Variants in PSMD14 observed in about 807,000 individuals in gnomAD.
PSMD14 encodes the protein proteasome 26S subunit, non-ATPase 14.
Under a neutral mutation model 41.2 loss-of-function variants are expected in PSMD14, and 7 were observed. That is an observed-to-expected ratio of 0.17 (90% CI 0.10 to 0.32). The LOEUF is 0.32. Among genes scored for constraint, PSMD14 ranks in the 10% least tolerant of loss-of-function variants. The probability of loss-of-function intolerance (pLI) is 1.00; values close to 1 mark genes in which losing one functional copy is unlikely to be tolerated. For missense variants in PSMD14, 139 were observed against 375.6 expected (o/e 0.37, Z 5.21); for synonymous variants, 114 against 122.3 (o/e 0.93, Z 0.45).
intron 3 of PSMD14, among the ~76,000 whole-genome samples, chr2:161,331,349 G>A (rs531069167): frequency 1.3e-5 from 2 of 151,226 alleles, no homozygotes; most frequent in African/African-American, 4.9e-5. Flanking sequence ...TGCAACCTCC[G>A]CCTCCCAGGT....
intron 7 of PSMD14, chr2:161,382,878 T>A (rs551153718): frequency 1.4e-3 from 210 of 151,818 alleles, no homozygotes; most frequent in African/African-American, 4.7e-3. Context: ...TACCAACCCA[T>A]ACATTAATTA....
intron 7 of PSMD14, among the ~76,000 whole-genome samples, chr2:161,375,552 C>T (rs994220424): frequency 5.3e-5 from 8 of 152,016 alleles, no homozygotes; most frequent in Non-Finnish European, 8.8e-5. Flanking sequence ...AAAAGAAGAG[C>T]TTGTACCTCA....
At chr2:161,333,992 C>G (rs951140198) in intron 3 of PSMD14, among the ~76,000 whole-genome samples, 2 of 150,956 alleles carry the variant, frequency 1.3e-5, no homozygotes, top group Non-Finnish European at 3.0e-5. Flanking sequence ...GATGGCGCCA[C>G]TGCACTCCAG....
At chr2:161,365,550 G>A (rs1223562149) in intron 3 of PSMD14, among the ~76,000 whole-genome samples, 1 of 152,078 alleles carries the variant, frequency 6.6e-6, no homozygotes, top group Non-Finnish European at 1.5e-5. Context: ...TTTCAGGCAA[G>A]TTGAGAAAGG....
chr2:161,398,369 A>G (rs1257417430), intron 10 of PSMD14, among the ~76,000 whole-genome samples: 2 of 152,140 alleles, frequency 1.3e-5, no homozygotes, highest in Non-Finnish European at 2.9e-5. Context: ...AGAAGGTTAG[A>G]GAATAATTAA....
chr2:161,333,318 A>G (rs1682821823), intron 3 of PSMD14, among the ~76,000 whole-genome samples: 1 of 152,164 alleles, frequency 6.6e-6, no homozygotes, highest in Admixed American at 6.5e-5. Context: ...CCTTGGTAGG[A>G]CTGTACTGTG....
intron 3 of PSMD14, among the ~76,000 whole-genome samples, chr2:161,341,693 G>C (rs923112539): frequency 5.3e-5 from 8 of 151,464 alleles, no homozygotes; most frequent in Non-Finnish European, 8.8e-5. Context: ...CAAAAAATGA[G>C]CCGGGCGTGG....
intron 3 of PSMD14, among the ~76,000 whole-genome samples, chr2:161,333,520 A>C (rs1401507758): frequency 6.6e-6 from 1 of 152,256 alleles, no homozygotes; most frequent in Admixed American, 6.5e-5. Flanking sequence ...GTAAAAACCC[A>C]GGGCTCTGGA....
In PSMD14 at chr2:161,341,201, C is replaced by T. The variant is rs1053453185; in HGVS notation, c.48+22328C>T. On this transcript the variant is annotated intron_variant, in intron 3 of 11. Coordinates refer to ENST00000409682, the MANE Select transcript of PSMD14 (RefSeq NM_005805.6). ...TGGCCTCGGCCGGGGGCGCGGGTTC[C>T]GGGGGCGCGCGGGCAGGCTCCGGGC... 1.4e-4 allele frequency: 132 copies of T among 961,808 alleles called. No individual in the cohort carries two copies. In the African/African-American group the frequency reaches 2.1e-3, roughly 15 times the overall value. The allele number at this position is 961,808 out of a possible 1,614,324, so 59.6% of individuals were successfully genotyped here.
intron 3 of PSMD14, among the ~76,000 whole-genome samples, chr2:161,324,768 A>G (rs1682669129): frequency 6.6e-6 from 1 of 152,086 alleles, no homozygotes; most frequent in South Asian, 2.1e-4. Flanking sequence ...TTAAAGGCAA[A>G]GTCATCAATT....
At chr2:161,391,695 G>T (rs1683714042) in intron 9 of PSMD14, among the ~76,000 whole-genome samples, 2 of 152,050 alleles carry the variant, frequency 1.3e-5, no homozygotes, top group African/African-American at 4.8e-5. Flanking sequence ...AGGCCCAAGG[G>T]ATCCTCACTC....
chr2:161,335,534 C>G (rs974773216), intron 3 of PSMD14, among the ~76,000 whole-genome samples: 1 of 152,232 alleles, frequency 6.6e-6, no homozygotes, highest in Non-Finnish European at 1.5e-5. Context: ...CATCCCATAT[C>G]CATAGATATA....
chr2:161,395,931 C>T (rs1212045814), intron 10 of PSMD14, among the ~76,000 whole-genome samples: 1 of 152,326 alleles, frequency 6.6e-6, no homozygotes, highest in Non-Finnish European at 1.5e-5. Flanking sequence ...ACACCAGCTA[C>T]ATTAGCATCA....
At chr2:161,368,047 G>A in intron 5 of PSMD14, 144 bp downstream of exon 5, 1 of 1,021,180 alleles carries the variant, frequency 9.8e-7, no homozygotes, top group Non-Finnish European at 1.4e-6. Flanking sequence ...TTTTTAGATT[G>A]TATTGAATTA....
intron 10 of PSMD14, among the ~76,000 whole-genome samples, chr2:161,398,079 T>A (rs1683825746): frequency 6.6e-6 from 1 of 152,154 alleles, no homozygotes; most frequent in Non-Finnish European, 1.5e-5. Context: ...CTACAGAAGT[T>A]TTTCCTATTT....
intron 6 of PSMD14, 46 bp downstream of exon 6, chr2:161,370,223 A>G (rs1373362073): frequency 6.0e-6 from 8 of 1,325,656 alleles, no homozygotes; most frequent in African/African-American, 6.0e-5. Context: ...GGAAATATTT[A>G]TAGAAACATA....
chr2:161,309,438 G>C (rs577700525), intron 1 of PSMD14, among the ~76,000 whole-genome samples: 94 of 152,340 alleles, frequency 6.2e-4, no homozygotes, highest in Admixed American at 2.7e-3. Context: ...GTTATAGTGT[G>C]AAAGTGATTT....
intron 7 of PSMD14, among the ~76,000 whole-genome samples, chr2:161,376,350 A>G (rs868833548): frequency 3.3e-5 from 5 of 151,782 alleles, no homozygotes; most frequent in African/African-American, 1.2e-4. Context: ...TAGAGTACAC[A>G]TGTCATATTA....
intron 3 of PSMD14, among the ~76,000 whole-genome samples, chr2:161,352,504 G>T (rs986494280): frequency 1.3e-5 from 2 of 152,098 alleles, no homozygotes; most frequent in Non-Finnish European, 2.9e-5. Flanking sequence ...TTACAATCAA[G>T]TATTGATTTT....
Sources: gnomAD v4.1 joint callset for allele counts (sites outside exome capture counted in the v4.1 genomes callset) on GRCh38, gnomAD v4.1.1 for gene constraint, MANE v1.5 for transcripts, NCBI Gene and HGNC (gene_info 2026-07-23, HGNC 2026-07-21) for gene names.